The following SERPINA11 variants were observed in gnomAD, a reference collection of about 807,000 sequenced individuals.
SERPINA11 encodes serpin A11.
SERPINA11 carries 28 observed loss-of-function variants against 29.4 expected under a neutral mutation model. The observed-to-expected ratio is 0.95, with a 90% confidence interval of 0.70 to 1.30. The LOEUF is 1.30. Among genes scored for constraint, SERPINA11 ranks in the 50% most tolerant of loss-of-function variants. The probability of loss-of-function intolerance (pLI) is 0.00; values close to 1 mark genes in which losing one functional copy is unlikely to be tolerated. For missense variants in SERPINA11, 530 were observed against 507.3 expected (o/e 1.04, Z -0.43); for synonymous variants, 253 against 206.6 (o/e 1.22, Z -1.92).
At chr14:94,446,817 A>G (rs1898449229) in intron 2 of SERPINA11, among the ~76,000 whole-genome samples, 2 of 152,224 alleles carry the variant, frequency 1.3e-5, no homozygotes, top group Non-Finnish European at 2.9e-5. Flanking sequence ...ATTTTGTTCC[A>G]TTTCAGAGGA....
Position 94,446,366 on chromosome 14 carries a change from C to T in SERPINA11, c.882G>A (p.Gln294=). 6.2e-7 allele frequency: 1 copy of T among 1,613,930 alleles called. No individual in the cohort carries two copies. Among genetic ancestry groups the T allele is most frequent in the Non-Finnish European group, 8.5e-7 (1 of 1,180,004 alleles). The change falls in exon 3 of 5, where the codon CAG becomes CAA. Residue 294 remains glutamine (Q), a synonymous_variant. Coordinates refer to ENST00000334708, the MANE Select transcript of SERPINA11 (RefSeq NM_001080451.2). ...MKQVEAALQP[Q]TLRKWGQLLL... ...GCAATTGGCCCCATTTTCTCAGGGT[C>T]TGTGGCTGCAGAGCAGCCTCCACCT... is the stretch of plus-strand genomic sequence containing the variant.
At chr14:94,446,245 T>C in intron 3 of SERPINA11, 86 bp downstream of exon 3, 1 of 1,221,428 alleles carries the variant, frequency 8.2e-7, no homozygotes, top group Non-Finnish European at 1.2e-6. Context: ...TCGAGATGGA[T>C]GTTGGGCTTT....
chr14:94,443,010 C>T (rs1284510628), intron 4 of SERPINA11, 68 bp downstream of exon 4: 6 of 1,521,150 alleles, frequency 3.9e-6, no homozygotes, highest in Non-Finnish European at 4.4e-6. Context: ...TTAAATGTCC[C>T]ACATGCCAAA....
At chr14:94,443,555 A>G (rs1347115404) in intron 3 of SERPINA11, among the ~76,000 whole-genome samples, 2 of 152,214 alleles carry the variant, frequency 1.3e-5, no homozygotes, top group Non-Finnish European at 2.9e-5. Context: ...GATGGAATCC[A>G]AATCATGACC....
intron 1 of SERPINA11, among the ~76,000 whole-genome samples, chr14:94,449,479 T>TTCTTTCTG (rs1398416773): frequency 1.4e-4 from 12 of 84,846 alleles, no homozygotes; most frequent in Non-Finnish European, 2.3e-4. Flanking sequence ...CTTTCTTTCT[T>TTCTTTCTG]TCTGTCTGTC....
chr14:94,449,637 C>T (rs544145674), intron 1 of SERPINA11, among the ~76,000 whole-genome samples: 1 of 150,724 alleles, frequency 6.6e-6, no homozygotes, highest in African/African-American at 2.5e-5. Context: ...GTCATTCTTT[C>T]AATCATTCAT....
At chr14:94,444,558 C>T (rs1898402174) in intron 3 of SERPINA11, among the ~76,000 whole-genome samples, 1 of 152,074 alleles carries the variant, frequency 6.6e-6, no homozygotes, top group South Asian at 2.1e-4. Flanking sequence ...AGAAGACTCA[C>T]CCCAAAGGAG....
Position 94,442,657 on chromosome 14 carries a change from G to A in SERPINA11, c.1218C>T (p.Thr406=). 1 of 1,612,596 alleles carries A rather than the reference G, an allele frequency of 6.2e-7. No individual in the cohort carries two copies. The highest frequency in any genetic ancestry group is 8.5e-7 in the Non-Finnish European group (1 of 1,179,380). Residue 406 remains threonine (T), a synonymous_variant, in exon 5 of 5, where the codon ACC becomes ACT. Transcript: ENST00000334708. ...RPFLLLLWEV[T]TQSLLFLGKV... ...TTCCCAGGAAGAGTAAGCTCTGGGTGGTGACCTCCCAAAGGAGCAAGAGGA... is the reference window on the plus strand; with the variant it reads ...TTCCCAGGAAGAGTAAGCTCTGGGTAGTGACCTCCCAAAGGAGCAAGAGGA...
rs757710820 is a variant in SERPINA11 at position 94,448,238 on chromosome 14, C to A, written c.537G>T (p.Gln179His). 6.2e-7 allele frequency: 1 copy of A among 1,614,254 alleles called. No individual in the cohort carries two copies. Residue 179 changes from glutamine to histidine, a missense_variant, in exon 2 of 5, where the codon CAG (glutamine) becomes CAT (histidine). By Grantham distance (24) the Gln-to-His change is conservative. Transcript: ENST00000334708. ...NFTDSVTTGRQINDYLRRQTY... is the reference protein window; with the variant it reads ...NFTDSVTTGRHINDYLRRQTY... ...TTTGCCTTCTCAAATAGTCATTAAT[C>A]TGCCTCCCAGTTGTAACAGAATCTG...
chr14:94,444,245 T>A (rs12898137), intron 3 of SERPINA11, among the ~76,000 whole-genome samples: 47,488 of 152,038 alleles, frequency 0.31, 8,946 homozygotes, highest in Non-Finnish European at 0.41. Flanking sequence ...CAACTGTGAA[T>A]GAATACATAC....
chr14:94,446,071 G>A (rs535057989), intron 3 of SERPINA11, among the ~76,000 whole-genome samples: 16 of 152,202 alleles, frequency 1.1e-4, no homozygotes, highest in Non-Finnish European at 2.2e-4. Flanking sequence ...TATGCTCCAC[G>A]TACCAGTCTA....
At chr14:94,444,228 T>C (rs985258937) in intron 3 of SERPINA11, among the ~76,000 whole-genome samples, 3 of 152,202 alleles carry the variant, frequency 2.0e-5, no homozygotes, top group Non-Finnish European at 4.4e-5. Context: ...ACACAGTGGA[T>C]GTTTAACAAC....
rs1248037786 is a variant in SERPINA11, at chr14:94,449,495, TTCTTTC to T, written c.-3-724_-3-719del. Among the ~76,000 whole-genome samples the T allele has an allele frequency of 7.2e-3, 859 of 119,020 alleles. 18 individuals are homozygous for T. Among genetic ancestry groups the T allele is most frequent in the East Asian group, 0.039 (175 of 4,494 alleles). 78.1% of individuals were successfully genotyped at this position (119,020 alleles called of 152,430 possible). A position where few individuals can be genotyped will look rare whatever the true frequency, so the allele number is the denominator to read the frequency against. On this transcript the variant is annotated intron_variant, in intron 1 of 4. Coordinates refer to ENST00000334708, the MANE Select transcript of SERPINA11 (RefSeq NM_001080451.2). ...TTTCTTTCTTTCTGTCTGTCTGTCT[TTCTTTC>T]TCTTTCTTTTTCTTTCTTTCTTTCT...
intron 1 of SERPINA11, among the ~76,000 whole-genome samples, chr14:94,451,323 C>T (rs1898581882): frequency 6.6e-6 from 1 of 152,222 alleles, no homozygotes; most frequent in South Asian, 2.1e-4. Context: ...GGCACGCCCC[C>T]AAGGCTACGT....
At chr14:94,449,438 T>C (rs1005981256) in intron 1 of SERPINA11, among the ~76,000 whole-genome samples, 1 of 106,056 alleles carries the variant, frequency 9.4e-6, no homozygotes, top group Non-Finnish European at 1.8e-5. Flanking sequence ...TCTTTCTTTC[T>C]TTCTTTCTTT....
Position 94,446,569 on chromosome 14 carries a change from G to C in SERPINA11, c.679C>G (p.Gln227Glu), listed in dbSNP as rs769704598. 2 of 1,614,134 alleles carry C rather than the reference G, an allele frequency of 1.2e-6. No homozygotes were observed. The highest frequency in any genetic ancestry group is 1.7e-6 in the Non-Finnish European group (2 of 1,179,998). The change falls in exon 3 of 5, where the codon CAG (glutamine) becomes GAG (glutamate). Residue 227 changes from glutamine to glutamate, a missense_variant. Gln to Glu is a conservative substitution (Grantham distance 29, BLOSUM62 2). Transcript: ENST00000334708. ...WKHPFSRYQT[Q>E]KQESFFVDER... is the part of the protein sequence containing the mutation. ...TCCACAAAGAAACTTTCCTGCTTCT[G>C]GGTCTGGTAGCGACTGAAAGGGTGC...
chr14:94,449,527 TTTTC>T (rs57105729), intron 1 of SERPINA11, among the ~76,000 whole-genome samples: 18,094 of 139,386 alleles, frequency 0.13, 2,003 homozygotes, highest in South Asian at 0.22. Flanking sequence ...CTTTCTTTCT[TTTTC>T]TTTCTTTCTT....
chr14:94,450,188 G>T (rs921530358), intron 1 of SERPINA11, among the ~76,000 whole-genome samples: 1 of 152,170 alleles, frequency 6.6e-6, no homozygotes, highest in Non-Finnish European at 1.5e-5. Flanking sequence ...TATTGCCTCA[G>T]GGCTGTGGGG....
chr14:94,444,312 T>C (rs956552619), intron 3 of SERPINA11, among the ~76,000 whole-genome samples: 1 of 152,180 alleles, frequency 6.6e-6, no homozygotes, highest in African/African-American at 2.4e-5. Context: ...GCCTCACATC[T>C]GAATGGAGTG....
Sources: gnomAD v4.1 joint callset for allele counts (sites outside exome capture counted in the v4.1 genomes callset) on GRCh38, gnomAD v4.1.1 for gene constraint, MANE v1.5 for transcripts, NCBI Gene and HGNC (gene_info 2026-07-23, HGNC 2026-07-21) for gene names.